The following NSD2 variants were observed in gnomAD, a reference collection of about 807,000 sequenced individuals.
NSD2 encodes the protein nuclear receptor binding SET domain protein 2, also known as histone-lysine N-methyltransferase NSD2.
NSD2 carries 12 observed loss-of-function variants against 139.0 expected under a neutral mutation model. The ratio of observed to expected loss-of-function variants is 0.09; its 90% CI spans 0.06 to 0.14. NSD2 has a LOEUF of 0.14. NSD2 is among the 10% of genes least tolerant of loss of function. The probability of loss-of-function intolerance (pLI) is 1.00; values close to 1 mark genes in which losing one functional copy is unlikely to be tolerated. For synonymous variants in NSD2, 669 were observed against 648.7 expected, an observed-to-expected ratio of 1.03 and a Z score of -0.48; for missense variants, 1,155 against 1,745.0, an observed-to-expected ratio of 0.66 and a Z score of 6.02.
intron 3 of NSD2, among the ~76,000 whole-genome samples, chr4:1,910,919 A>T (rs1187210159): frequency 6.6e-6 from 1 of 152,116 alleles, no homozygotes; most frequent in Admixed American, 6.6e-5. Flanking sequence ...CTGTGGTCTC[A>T]TGTCGTTGTG....
intron 1 of NSD2, among the ~76,000 whole-genome samples, chr4:1,874,079 ATAAT>A (rs1205192304): frequency 6.6e-6 from 1 of 152,230 alleles, no homozygotes; most frequent in Non-Finnish European, 1.5e-5. Context: ...TTCTAAGTAA[ATAAT>A]TAATCAGCAG....
At position 1,976,767 on chromosome 4, in the gene NSD2, G is replaced by C. The variant is rs1207530287; in HGVS notation, c.3826+88G>C. 7.1e-7 allele frequency: 1 copy of C among 1,403,802 alleles called. No individual in the cohort carries two copies. The highest frequency in any genetic ancestry group is 9.6e-7 in the Non-Finnish European group (1 of 1,045,440). The allele number at this position is 1,403,802 out of a possible 1,614,324, so 87.0% of individuals were successfully genotyped here. ...TGCTGCCGCTCTTCCTGCTGACCGG[G>C]CCTCATCTGGGTGCAGGCACATCAG... On this transcript the variant is annotated intron_variant, in intron 21 of 21. Coordinates refer to ENST00000508803, the MANE Select transcript of NSD2 (RefSeq NM_001042424.3). This position sits in a 1 kb window ranked among gnomAD's most constrained non-coding sequence, Gnocchi z 5.3.
chr4:1,960,638 C>T (rs1725272231), intron 17 of NSD2, among the ~76,000 whole-genome samples: 1 of 152,232 alleles, frequency 6.6e-6, no homozygotes, highest in Admixed American at 6.5e-5. Context: ...ACCCTTGTTC[C>T]TCGCCTGCCT....
At chr4:1,966,807 T>C (rs1725938730) in intron 18 of NSD2, among the ~76,000 whole-genome samples, 1 of 152,224 alleles carries the variant, frequency 6.6e-6, no homozygotes, top group Non-Finnish European at 1.5e-5. Flanking sequence ...ATTACTGGCT[T>C]GTGTTTTAGG....
In NSD2 at chr4:1,979,505, C is replaced by T. The variant is rs1727536366; in HGVS notation, c.*596C>T. On this transcript the variant is annotated 3_prime_UTR_variant, in exon 22 of 22. Coordinates refer to ENST00000508803, the MANE Select transcript of NSD2 (RefSeq NM_001042424.3). Reference sequence around the variant, plus strand: ...TTTCCATCCTAGTGAGAAGCTGGCCCTGCAGGTGGTGGCAGCAATGGTGTT... The same window carrying T: ...TTTCCATCCTAGTGAGAAGCTGGCCTTGCAGGTGGTGGCAGCAATGGTGTT... 4.3e-6 allele frequency: 1 copy of T among 233,098 alleles called. No homozygotes were observed. 14.4% of individuals were successfully genotyped at this position (233,098 alleles called of 1,614,324 possible). A position where few individuals can be genotyped will look rare whatever the true frequency, so the allele number is the denominator to read the frequency against.
intron 9 of NSD2, 85 bp from the exon 10 acceptor site, chr4:1,950,987 G>A (rs1259713216): frequency 1.3e-6 from 2 of 1,544,626 alleles, no homozygotes; most frequent in Non-Finnish European, 8.8e-7. Context: ...GTGGTGGGGT[G>A]GGGCGGGACG....
chr4:1,955,902 G>A lies in NSD2; in HGVS notation c.2675+53G>A. Reference sequence around the variant, plus strand: ...ATGTCTTTTCTGTTCACATGTGTTCGCTTTACAGTACTTAAAGTATTGAAA... The same window carrying A: ...ATGTCTTTTCTGTTCACATGTGTTCACTTTACAGTACTTAAAGTATTGAAA... On this transcript the variant is annotated intron_variant, in intron 14 of 21. Transcript: ENST00000508803. This position sits in a 1 kb window ranked among gnomAD's most constrained non-coding sequence, Gnocchi z 4.7. The A allele has an allele frequency of 3.1e-6, 5 of 1,609,476 alleles. No individual in the cohort carries two copies. The South Asian group carries it at 3.3e-5, about 11-fold the overall frequency.
chr4:1,881,376 C>T (rs182796906), intron 1 of NSD2, among the ~76,000 whole-genome samples: 5 of 152,334 alleles, frequency 3.3e-5, no homozygotes, highest in Admixed American at 2.6e-4. Flanking sequence ...CATTCTCCTG[C>T]CTCAGCCTCC....
At chr4:1,943,377 A>C (rs1042118716) in intron 9 of NSD2, 20 of 1,042,888 alleles carry the variant, frequency 1.9e-5, no homozygotes, top group Non-Finnish European at 2.3e-5. Context: ...CCTGGCCAGG[A>C]CTCCGTGGTT....
rs756784125 is a variant in NSD2 at position 1,981,704 on chromosome 4, C to A, written c.*2795C>A. 2.5e-6 allele frequency: 1 copy of A among 395,852 alleles called. No homozygotes were observed. 24.5% of individuals were successfully genotyped at this position (395,852 alleles called of 1,614,324 possible). ...GGTCCCCTTCGCAGTGTTTGTCTGT[C>A]TTGACATCTAAACCCCGGCGTGTGC... On this transcript the variant is annotated 3_prime_UTR_variant, in exon 22 of 22. Coordinates refer to ENST00000508803, the MANE Select transcript of NSD2 (RefSeq NM_001042424.3).
intron 1 of NSD2, among the ~76,000 whole-genome samples, chr4:1,886,778 G>A (rs1353369406): frequency 1.3e-5 from 2 of 152,040 alleles, no homozygotes; most frequent in Non-Finnish European, 2.9e-5. Context: ...GGTGGAGGTT[G>A]CAGTGAGCTG....
chr4:1,940,830 G>A, intron 9 of NSD2: 1 of 1,057,250 alleles, frequency 9.5e-7, no homozygotes, highest in Non-Finnish European at 1.1e-6. Context: ...GCCTTCCAGT[G>A]CAGGAAGGTC....
In NSD2 at chr4:1,972,656, T is replaced by C. The variant is rs902691291; in HGVS notation, c.3373-2207T>C. Among the ~76,000 whole-genome samples the C allele has an allele frequency of 5.9e-5, 9 of 152,190 alleles. No homozygotes were observed. The highest frequency in any genetic ancestry group is 3.9e-4 in the Admixed American group (6 of 15,286). On this transcript the variant is annotated intron_variant, in intron 18 of 21. Coordinates refer to ENST00000508803, the MANE Select transcript of NSD2 (RefSeq NM_001042424.3). The surrounding 1 kb of genome is among the most constrained non-coding windows in gnomAD (Gnocchi z 4.0). ...TTATAAAGGCCAATTCCAGATGGAT[T>C]GAACAGCTAGGAGTGGGGGAGATGC...
At chr4:1,925,065 T>C (rs1720686154) in intron 5 of NSD2, among the ~76,000 whole-genome samples, 1 of 152,224 alleles carries the variant, frequency 6.6e-6, no homozygotes, top group Non-Finnish European at 1.5e-5. Flanking sequence ...GAATTTTCTG[T>C]TATCGGAAAA....
chr4:1,894,040 C>T (rs969654121), intron 1 of NSD2: 1 of 152,242 alleles, frequency 6.6e-6, no homozygotes, highest in Non-Finnish European at 1.5e-5. Context: ...AAGTGATCCT[C>T]CTCCCTCAGC....
At chr4:1,938,403 T>TTTTTTTTTGTTTG in intron 7 of NSD2, 48 bp from the exon 8 acceptor site, 3 of 1,211,276 alleles carry the variant, frequency 2.5e-6, no homozygotes, top group Non-Finnish European at 3.2e-6. Context: ...TTTCTTTTCT[T>TTTTTTTTTGTTTG]TTTTTTTTCT....
intron 5 of NSD2, among the ~76,000 whole-genome samples, chr4:1,919,585 C>G (rs1251522674): frequency 6.6e-6 from 1 of 151,898 alleles, no homozygotes; most frequent in East Asian, 1.9e-4. Flanking sequence ...ATTTTACTTC[C>G]ATAGGAATTT....
chr4:1,941,387 C>G (rs2108903671), intron 9 of NSD2: 2 of 1,050,880 alleles, frequency 1.9e-6, no homozygotes, highest in Non-Finnish European at 2.3e-6. Context: ...TATTCCTGAT[C>G]CTAAGTCATG....
chr4:1,968,691 G>C (rs927562342), intron 18 of NSD2, among the ~76,000 whole-genome samples: 1 of 152,136 alleles, frequency 6.6e-6, no homozygotes, highest in African/African-American at 2.4e-5. Context: ...AAATGTATAA[G>C]TTAAGACTAA....
Sources: gnomAD v4.1 joint callset for allele counts (sites outside exome capture counted in the v4.1 genomes callset) on GRCh38, gnomAD v4.1.1 for gene constraint, Gnocchi (gnomAD v3.1) non-coding constraint, MANE v1.5 for transcripts, NCBI Gene and HGNC (gene_info 2026-07-23, HGNC 2026-07-21) for gene names.